Variants in MKI67 observed in about 807,000 individuals in gnomAD.
MKI67 encodes the protein proliferation marker protein Ki-67.
MKI67 carries 152 observed loss-of-function variants against 233.5 expected under a neutral mutation model. The observed-to-expected ratio is 0.65, with a 90% CI of 0.57 to 0.74. The LOEUF (loss-of-function observed/expected upper bound fraction) is 0.74. Ranked by LOEUF, MKI67 falls within the 30% of genes least tolerant of loss-of-function variation. The pLI, the probability that MKI67 is intolerant of heterozygous loss-of-function variation, is 0.00. For synonymous variants in MKI67, 1,465 were observed against 1,418.5 expected, an observed-to-expected ratio of 1.03 and a Z score of -0.74; for missense variants, 3,940 against 3,885.2, an observed-to-expected ratio of 1.01 and a Z score of -0.37.
chr10:128,113,457 G>A lies in MKI67; in HGVS notation c.1626C>T (p.His542=). The A allele has an allele frequency of 1.2e-6, 2 of 1,614,240 alleles. No homozygotes were observed. The highest frequency in any genetic ancestry group is 1.7e-6 in the Non-Finnish European group (2 of 1,180,046). The stretch of plus-strand genomic sequence containing the variant: ...TGATTTTCTTCAGGACAGGTGGAGT[G>A]TGCATTACCAGAGACTTTCTTTTGG... The part of the protein sequence containing the change: ...APTKRKSLVM[H]TPPVLKKIIK... The change falls in exon 8 of 15, where the codon CAC becomes CAT. Residue 542 remains histidine (H), a synonymous_variant. Transcript: ENST00000368654.
In MKI67 at chr10:128,123,136, A is replaced by T; in HGVS notation, c.126T>A (p.Pro42=). ...TTTTGCAATGTTGTTTTGACACAACAGGAAGCTGGATACGGATGTCACATT... is the reference window on the plus strand; with the variant it reads ...TTTTGCAATGTTGTTTTGACACAACTGGAAGCTGGATACGGATGTCACATT... The part of the protein sequence containing the change: ...GIECDIRIQL[P]VVSKQHCKIE... Residue 42 remains proline, a synonymous_variant, in exon 3 of 15, where the codon CCT becomes CCA. Transcript: ENST00000368654. 1 of 1,614,042 alleles carries T rather than the reference A, an allele frequency of 6.2e-7. No homozygotes were observed. The highest frequency in any genetic ancestry group is 1.1e-5 in the South Asian group (1 of 91,078).
chr10:128,114,895 T>G (rs1231851121), intron 7 of MKI67, 33 bp downstream of exon 7: 33 of 1,511,576 alleles, frequency 2.2e-5, no homozygotes, highest in Non-Finnish European at 2.9e-5. Flanking sequence ...GTTCATCTTT[T>G]AGAAAAATAA....
At position 128,122,942 on chromosome 10, in the gene MKI67, T is replaced by C; in HGVS notation, c.226A>G (p.Ile76Val). The C allele has an allele frequency of 3.1e-6, 5 of 1,609,350 alleles. No homozygotes were observed. Among genetic ancestry groups the C allele is most frequent in the Middle Eastern group, 1.7e-4 (1 of 6,046 alleles). ...TGTTTTAGCCGTACAGGCTCATCAA[T>C]AACAGACCCATTTACTTGTGTTGGA... is the stretch of plus-strand genomic sequence containing the variant. ...TNPTQVNGSV[I>V]DEPVRLKHGD... The change falls in exon 4 of 15, where the codon ATT becomes GTT. Residue 76 changes from isoleucine to valine, a missense_variant. Physicochemically the swap from Ile to Val is conservative, Grantham distance 29 (BLOSUM62 3). Coordinates refer to ENST00000368654, the MANE Select transcript of MKI67 (RefSeq NM_002417.5).
At chr10:128,119,142 A>G in intron 5 of MKI67, 111 bp downstream of exon 5, 1 of 774,178 alleles carries the variant, frequency 1.3e-6, no homozygotes. Context: ...TCCTACTATA[A>G]CAGTAACCAC....
chr10:128,104,678 C>T lies in MKI67; in HGVS notation c.7162G>A (p.Asp2388Asn), dbSNP rs763817521. ...KRTPSAGKAM[D>N]TPKPAVSDEK... The stretch of plus-strand genomic sequence containing the variant: ...TCACTTACTGCTGGTTTTGGTGTGT[C>T]CATGGCTTTGCCTGCTGATGGTGTT... Residue 2388 changes from aspartate to asparagine, a missense_variant, in exon 13 of 15, where the codon GAC (aspartate) becomes AAC (asparagine). Coordinates refer to ENST00000368654, the MANE Select transcript of MKI67 (RefSeq NM_002417.5). 45 of 1,613,752 alleles carry T rather than the reference C, an allele frequency of 2.8e-5. No individual in the cohort carries two copies. The South Asian group carries it at 4.5e-4, about 16-fold the overall frequency.
At chr10:128,116,125 C>T (rs1852802433) in intron 6 of MKI67, 118 bp from the exon 7 acceptor site, 1 of 1,208,076 alleles carries the variant, frequency 8.3e-7, no homozygotes, top group Non-Finnish European at 1.1e-6. Flanking sequence ...TTTTACTTGG[C>T]CTACAAATTA....
Position 128,107,763 on chromosome 10 carries a change from A to C in MKI67, c.4077T>G (p.Thr1359=), listed in dbSNP as rs1044555524. The C allele has an allele frequency of 7.4e-6, 12 of 1,613,670 alleles. No individual in the cohort carries two copies. Among genetic ancestry groups the C allele is most frequent in the Non-Finnish European group, 1.0e-5 (12 of 1,179,946 alleles). ...FKELFQTPGH[T]EEAVAAGKTT... is the part of the protein sequence containing the mutation. ...TTTTGCCAGCAGCCACTGCTTCTTC[A>C]GTATGACCAGGGGTCTGGAAGAGCT... Residue 1359 remains threonine, a synonymous_variant, in exon 13 of 15, where the codon ACT becomes ACG. Transcript: ENST00000368654.
chr10:128,107,608 G>T lies in MKI67; in HGVS notation c.4232C>A (p.Thr1411Lys). 1 of 1,614,140 alleles carries T rather than the reference G, an allele frequency of 6.2e-7. No individual in the cohort carries two copies. The highest frequency in any genetic ancestry group is 8.5e-7 in the Non-Finnish European group (1 of 1,180,034). ...GTGTGTGGTTTCCCCTGATGTCTGTGTGAGCTTCTTCAGGGCTGAGAGCTC... is the reference window on the plus strand; with the variant it reads ...GTGTGTGGTTTCCCCTGATGTCTGTTTGAGCTTCTTCAGGGCTGAGAGCTC... ...QKELSALKKL[T>K]QTSGETTHTD... The change falls in exon 13 of 15, where the codon ACA (threonine) becomes AAA (lysine). Residue 1411 changes from threonine (T) to lysine (K), a missense_variant. Transcript: ENST00000368654.
Position 128,106,358 on chromosome 10 carries a change from C to T in MKI67, c.5482G>A (p.Ala1828Thr), listed in dbSNP as rs560913870. The T allele has an allele frequency of 2.5e-6, 4 of 1,613,704 alleles. No individual in the cohort carries two copies. Among genetic ancestry groups the T allele is most frequent in the South Asian group, 1.1e-5 (1 of 91,070 alleles). The change falls in exon 13 of 15, where the codon GCT becomes ACT. Residue 1828 changes from alanine to threonine, a missense_variant. Coordinates refer to ENST00000368654, the MANE Select transcript of MKI67 (RefSeq NM_002417.5). ...RLQTRKEKAQ[A>T]LEELTGFREL... is the part of the protein sequence containing the mutation. Reference sequence around the variant, plus strand: ...CTGAAGCCAGTCAGTTCTTCTAGAGCCTGGGCCTTTTCCTTACGAGTTTGT... The same window carrying T: ...CTGAAGCCAGTCAGTTCTTCTAGAGTCTGGGCCTTTTCCTTACGAGTTTGT...
chr10:128,123,993 C>A (rs1378453215), intron 2 of MKI67, among the ~76,000 whole-genome samples: 1 of 152,164 alleles, frequency 6.6e-6, no homozygotes, highest in Non-Finnish European at 1.5e-5. Context: ...TATGCAATGG[C>A]CTGTCTGTTC....
chr10:128,107,690 G>C lies in MKI67; in HGVS notation c.4150C>G (p.Pro1384Ala), dbSNP rs765966675. 1.2e-6 allele frequency: 2 copies of C among 1,613,838 alleles called. 1 individual carries two copies. The highest frequency in any genetic ancestry group is 2.2e-5 in the South Asian group (2 of 91,074). ...ESSPPESADTPTSTRRQPKTP... is the reference protein window; with the variant it reads ...ESSPPESADTATSTRRQPKTP... ...TTGGGCTGCCTTCTTGTGCTTGTTGGGGTGTCTGCTGATTCTGGTGGAGAA... is the reference window on the plus strand; with the variant it reads ...TTGGGCTGCCTTCTTGTGCTTGTTGCGGTGTCTGCTGATTCTGGTGGAGAA... The change falls in exon 13 of 15, where the codon CCA becomes GCA. Residue 1384 changes from proline to alanine, a missense_variant. Pro to Ala is a conservative substitution (Grantham distance 27). Coordinates refer to ENST00000368654, the MANE Select transcript of MKI67 (RefSeq NM_002417.5).
chr10:128,121,585 T>C lies in MKI67; in HGVS notation c.287+1296A>G, dbSNP rs1221924568. Among the ~76,000 whole-genome samples the C allele has an allele frequency of 4.8e-5, 4 of 83,094 alleles. No individual in the cohort carries two copies. The Admixed American group carries it at 5.5e-4, about 11-fold the overall frequency. 54.5% of individuals were successfully genotyped at this position (83,094 alleles called of 152,430 possible). Reference sequence around the variant, plus strand: ...TATAATATATTATAATTATATATTATATAAGTGATATATATAATAATTATA... The same window carrying C: ...TATAATATATTATAATTATATATTACATAAGTGATATATATAATAATTATA... On this transcript the variant is annotated intron_variant, in intron 4 of 14. Coordinates refer to ENST00000368654, the MANE Select transcript of MKI67 (RefSeq NM_002417.5).
chr10:128,101,978 A>T (rs1331192159), intron 13 of MKI67, among the ~76,000 whole-genome samples: 1 of 152,202 alleles, frequency 6.6e-6, no homozygotes, highest in Non-Finnish European at 1.5e-5. Flanking sequence ...ATCAAATCTA[A>T]TTTTTACAGT....
In MKI67 at chr10:128,107,891, C is replaced by T; in HGVS notation, c.3949G>A (p.Val1317Met). ...KDIIIFVGTP[V>M]QKLDLTENLT... ...TTCTCTGTCAGGTCCAGTTTCTGCACTGGAGTTCCCACAAATATGATGATG... is the reference window on the plus strand; with the variant it reads ...TTCTCTGTCAGGTCCAGTTTCTGCATTGGAGTTCCCACAAATATGATGATG... Residue 1317 changes from valine (V) to methionine (M), a missense_variant, in exon 13 of 15, where the codon GTG becomes ATG. By Grantham distance (21) the Val-to-Met change is conservative (BLOSUM62 1). Transcript: ENST00000368654. 6.2e-7 allele frequency: 1 copy of T among 1,613,558 alleles called. No homozygotes were observed. Among genetic ancestry groups the T allele is most frequent in the Non-Finnish European group, 8.5e-7 (1 of 1,179,942 alleles).
rs753888474 is a variant in MKI67 at position 128,104,795 on chromosome 10, G to A, written c.7045C>T (p.Pro2349Ser). The A allele has an allele frequency of 3.7e-6, 6 of 1,613,400 alleles. No homozygotes were observed. Among genetic ancestry groups the A allele is most frequent in the Non-Finnish European group, 5.1e-6 (6 of 1,179,926 alleles). Residue 2349 changes from proline to serine, a missense_variant, in exon 13 of 15, where the codon CCA becomes TCA. Pro to Ser is a moderately conservative substitution (Grantham distance 74). Coordinates refer to ENST00000368654, the MANE Select transcript of MKI67 (RefSeq NM_002417.5). ...TTTGTGCTTGCTGGGGTGTCCACTG[G>A]GTCTGGTTGTGGAGATTTGCAGGCT... ...KIACKSPQPD[P>S]VDTPASTKQR...
rs1852548928 is a variant in MKI67 at position 128,107,814 on chromosome 10, A to G, written c.4026T>C (p.Ala1342=). Residue 1342 remains alanine (A), a synonymous_variant, in exon 13 of 15, where the codon GCT becomes GCC. Coordinates refer to ENST00000368654, the MANE Select transcript of MKI67 (RefSeq NM_002417.5). ...RPQTPKEEAQ[A]LEDLTGFKEL... is the part of the protein sequence containing the mutation. Reference sequence around the variant, plus strand: ...CTTTAAAGCCAGTCAGGTCTTCCAGAGCCTGGGCCTCTTCCTTAGGAGTTT... The same window carrying G: ...CTTTAAAGCCAGTCAGGTCTTCCAGGGCCTGGGCCTCTTCCTTAGGAGTTT... 2 of 1,613,414 alleles carry G rather than the reference A, an allele frequency of 1.2e-6. No individual in the cohort carries two copies.
Position 128,103,577 on chromosome 10 carries a change from C to CT in MKI67, c.8262dup (p.Glu2755ArgfsTer5), listed in dbSNP as rs1852397006. ...ATGCCTTTATCTTCACCTGCTGGTT[C>CT]TTTGTCTGCATCCGTGGTTTCCCCT... On this transcript the variant is annotated frameshift_variant, in exon 13 of 15. Transcript: ENST00000368654. LOFTEE classifies it high-confidence loss of function. 2 of 1,613,938 alleles carry CT rather than the reference C, an allele frequency of 1.2e-6. No homozygotes were observed. The highest frequency in any genetic ancestry group is 3.3e-5 in the Admixed American group (2 of 59,984).
rs898523734 is a variant in MKI67, at chr10:128,125,416, A to C, written c.92+160T>G. On this transcript the variant is annotated intron_variant, in intron 2 of 14. Coordinates refer to ENST00000368654, the MANE Select transcript of MKI67 (RefSeq NM_002417.5). This position sits in a 1 kb window ranked among gnomAD's most constrained non-coding sequence, Gnocchi z 5.3. ...AGCATCAAATTTATACTTACAAAAC[A>C]AAAAAACACAACTATGTCAACTTAG... is the stretch of plus-strand genomic sequence containing the variant. 5.9e-5 allele frequency among the ~76,000 whole-genome samples: 9 copies of C among 152,326 alleles called. No individual in the cohort carries two copies. Among genetic ancestry groups the C allele is most frequent in the Admixed American group, 5.9e-4 (9 of 15,292 alleles).
rs779723373 is a variant in MKI67, at chr10:128,125,708, C to A, written c.-41G>T. 1 of 1,539,822 alleles carries A rather than the reference C, an allele frequency of 6.5e-7. No individual in the cohort carries two copies. The highest frequency in any genetic ancestry group is 1.4e-5 in the African/African-American group (1 of 73,554). ...TTGAGTATAATCCGTAGGGGAAGGC[C>A]AGGTATAATCCGTAGGGGAAGGCCA... On this transcript the variant is annotated 5_prime_UTR_variant, in exon 2 of 15. Transcript: ENST00000368654. This position sits in a 1 kb window ranked among gnomAD's most constrained non-coding sequence, Gnocchi z 5.3.
Sources: gnomAD v4.1 joint callset for allele counts (sites outside exome capture counted in the v4.1 genomes callset) on GRCh38, gnomAD v4.1.1 for gene constraint, Gnocchi (gnomAD v3.1) non-coding constraint, MANE v1.5 for transcripts, NCBI Gene and HGNC (gene_info 2026-07-23, HGNC 2026-07-21) for gene names.